ZNF324B: variants seen among roughly 807,000 people sequenced by gnomAD.
The protein encoded by ZNF324B is zinc finger protein 324B.
In ZNF324B, 7 loss-of-function variants were observed where a neutral mutation model predicts 10.6. The observed-to-expected ratio is 0.66, with a 90% CI of 0.38 to 1.24. The LOEUF is 1.24. ZNF324B is among the 50% of genes most tolerant of loss of function. The pLI is 0.02. For synonymous variants in ZNF324B, 316 were observed against 321.0 expected, an observed-to-expected ratio of 0.98 and a Z score of 0.17; for missense variants, 640 against 764.7, an observed-to-expected ratio of 0.84 and a Z score of 1.92.
At chr19:58,439,204 G>A in the ZNF324B span, among the ~76,000 whole-genome samples, 2 of 152,150 alleles carry the variant, frequency 1.3e-5, no homozygotes, top group Non-Finnish European at 2.9e-5. Flanking sequence ...GCTACCCAAA[G>A]CACACATCTG....
rs758245775 is a variant in ZNF324B at position 58,456,001 on chromosome 19, G to C, written c.1057G>C (p.Gly353Arg). 17 of 1,595,368 alleles carry C rather than the reference G, an allele frequency of 1.1e-5. No individual in the cohort carries two copies. Among genetic ancestry groups the C allele is most frequent in the Admixed American group, 8.5e-5 (5 of 59,138 alleles). The change falls in exon 4 of 4, where the codon GGC becomes CGC. Residue 353 changes from glycine (G) to arginine (R), a missense_variant. Around this residue, in one of 3 missense-constraint regions of ZNF324B, gnomAD observed 57 missense variants for 118.8 expected, o/e 0.48. Coordinates refer to ENST00000336614, the MANE Select transcript of ZNF324B (RefSeq NM_207395.3). The surrounding 1 kb of genome is among the most constrained non-coding windows in gnomAD (Gnocchi z 4.7). ...CGAGTGCGGCAAGGCCTTCAGCCAC[G>C]GCTCCAACCTCAGCCAGCACCGCAA... ...CSECGKAFSH[G>R]SNLSQHRKIH... is the part of the protein sequence containing the mutation.
chr19:58,420,129 A>G, the ZNF324B span, among the ~76,000 whole-genome samples: 2 of 152,060 alleles, frequency 1.3e-5, no homozygotes, highest in African/African-American at 4.8e-5. Flanking sequence ...TAAAAATACA[A>G]AAAAATTGGC....
At chr19:58,433,446 T>C in the ZNF324B span, 300 of 1,564,900 alleles carry the variant, frequency 1.9e-4, no homozygotes, top group Non-Finnish European at 2.5e-4. Flanking sequence ...GTGTAGATCT[T>C]TCACTAAAGG....
At chr19:58,434,633 T>C in the ZNF324B span, 8 of 1,614,216 alleles carry the variant, frequency 5.0e-6, no homozygotes, top group South Asian at 6.6e-5. Context: ...TCTAAGAAAT[T>C]TCCACCTGTT....
chr19:58,433,264 G>A, the ZNF324B span: 6 of 1,528,978 alleles, frequency 3.9e-6, no homozygotes, highest in African/African-American at 2.8e-5. Context: ...GGATTCTGCT[G>A]CATGAAGTTT....
chr19:58,430,581 T>C, the ZNF324B span: 2 of 152,284 alleles, frequency 1.3e-5, no homozygotes, highest in Non-Finnish European at 1.5e-5. Flanking sequence ...TTTCACTGCA[T>C]TTGTAATGCC....
the ZNF324B span, chr19:58,433,252 G>GGGGGA: frequency 6.7e-7 from 1 of 1,484,976 alleles, no homozygotes; most frequent in South Asian, 1.3e-5. Flanking sequence ...TTTCTGGTAT[G>GGGGGA]GGGATTCTGC....
chr19:58,428,347 CATTT>C, the ZNF324B span, among the ~76,000 whole-genome samples: 1 of 152,194 alleles, frequency 6.6e-6, no homozygotes. Context: ...TGATTTTCAA[CATTT>C]ATAAAATCAC....
the ZNF324B span, chr19:58,444,959 C>T: frequency 0.17 from 31,061 of 178,920 alleles, 2,964 homozygotes; most frequent in Non-Finnish European, 0.21. Flanking sequence ...GAGTGTGGTC[C>T]AGCCATGAGC....
At chr19:58,434,218 C>G in the ZNF324B span, 1 of 1,614,184 alleles carries the variant, frequency 6.2e-7, no homozygotes, top group Admixed American at 1.7e-5. Context: ...GAAGGATTTA[C>G]CACATTGACT....
the ZNF324B span, chr19:58,437,367 C>T: frequency 2.2e-6 from 2 of 927,912 alleles, no homozygotes; most frequent in South Asian, 1.8e-5. Flanking sequence ...TCTTCTTCCT[C>T]AGGGCCCCCA....
Position 58,456,494 on chromosome 19 carries a change from CG to C in ZNF324B, c.1554del (p.Pro519GlnfsTer21), listed in dbSNP as rs778098390. 1.2e-6 allele frequency: 2 copies of C among 1,614,100 alleles called. No homozygotes were observed. The highest frequency in any genetic ancestry group is 1.7e-6 in the Non-Finnish European group (2 of 1,180,048). ...AATGCCGCAGCACCAGACTGCACCC[CG>C]GGGCCAGGTTTCCTTCAGGGACATC... ...KTNAAAPDCT[P>X]GPGFLQGHHR... On this transcript the variant is annotated frameshift_variant, in exon 4 of 4. Transcript: ENST00000336614. LOFTEE classifies it low-confidence loss of function (END_TRUNC). The surrounding 1 kb of genome is among the most constrained non-coding windows in gnomAD (Gnocchi z 4.7).
At chr19:58,432,187 T>C in the ZNF324B span, 9 of 401,258 alleles carry the variant, frequency 2.2e-5, no homozygotes, top group Admixed American at 2.2e-4. Flanking sequence ...ACCACTTTCC[T>C]GGACGTCAGG....
At chr19:58,439,681 A>T in the ZNF324B span, 1 of 1,425,550 alleles carries the variant, frequency 7.0e-7, no homozygotes, top group Non-Finnish European at 9.3e-7. Flanking sequence ...CAGGACACCA[A>T]CATCCCCTCT....
At chr19:58,437,340 C>T in the ZNF324B span, 29 of 1,098,110 alleles carry the variant, frequency 2.6e-5, no homozygotes, top group Middle Eastern at 4.2e-4. Flanking sequence ...ACCCACTACT[C>T]ACCCATCCAC....
the ZNF324B span, chr19:58,434,574 G>A: frequency 1.2e-6 from 2 of 1,613,946 alleles, no homozygotes; most frequent in Admixed American, 1.7e-5. Context: ...TACACACATG[G>A]GGTATTTCCC....
chr19:58,433,273 T>A, the ZNF324B span: 1 of 1,556,926 alleles, frequency 6.4e-7, no homozygotes, highest in Non-Finnish European at 8.7e-7. Flanking sequence ...TGCATGAAGT[T>A]TGACTTGGCT....
chr19:58,419,423 T>A, the ZNF324B span: 6 of 152,160 alleles, frequency 3.9e-5, no homozygotes, highest in Admixed American at 3.3e-4. Flanking sequence ...TGAAGTAGTA[T>A]GGAGTGAAGT....
chr19:58,427,432 TTCC>T, the ZNF324B span, among the ~76,000 whole-genome samples: 296 of 33,876 alleles, frequency 8.7e-3, 6 homozygotes, highest in African/African-American at 0.019. Flanking sequence ...CCTTCCTTCC[TTCC>T]TTCCTTCCTT....
Sources: allele counts gnomAD v4.1 joint callset (sites outside exome capture counted in the v4.1 genomes callset), GRCh38; gene constraint gnomAD v4.1.1; regional missense constraint gnomAD v4.1.1; non-coding constraint Gnocchi (gnomAD v3.1); transcripts MANE v1.5; gene names NCBI Gene and HGNC (gene_info 2026-07-23, HGNC 2026-07-21).